SYCP1: variants seen among roughly 807,000 people sequenced by gnomAD.
The protein encoded by SYCP1 is synaptonemal complex protein 1.
SYCP1 carries 64 observed loss-of-function variants against 153.1 expected under a neutral mutation model. The ratio of observed to expected loss-of-function variants is 0.42; its 90% CI spans 0.34 to 0.51. The LOEUF (loss-of-function observed/expected upper bound fraction) is 0.51, where lower values mean the gene tolerates loss of function less well. Ranked by LOEUF, SYCP1 falls within the 20% of genes least tolerant of loss-of-function variation. SYCP1 has a pLI of 0.06. For synonymous variants in SYCP1, 384 were observed against 341.8 expected, an observed-to-expected ratio of 1.12 and a Z score of -1.36; for missense variants, 997 against 1,049.0, an observed-to-expected ratio of 0.95 and a Z score of 0.68.
At chr1:114,857,552 A>T (rs1377637202) in intron 5 of SYCP1, 55 bp downstream of exon 5, 1 of 1,242,790 alleles carries the variant, frequency 8.0e-7, no homozygotes, top group Non-Finnish European at 1.1e-6. Context: ...ATAACTTATT[A>T]CCTATATGTA....
At chr1:114,878,906 C>CAG (rs1665724469) in intron 12 of SYCP1, among the ~76,000 whole-genome samples, 1 of 152,054 alleles carries the variant, frequency 6.6e-6, no homozygotes, top group Non-Finnish European at 1.5e-5. Context: ...TAATTTTTCC[C>CAG]AGAGAGAGAC....
At chr1:114,892,878 C>T (rs575842593) in intron 15 of SYCP1, among the ~76,000 whole-genome samples, 3 of 152,018 alleles carry the variant, frequency 2.0e-5, no homozygotes, top group East Asian at 3.9e-4. Context: ...ATGTAGTCTC[C>T]TGGGGGCTGG....
intron 27 of SYCP1, among the ~76,000 whole-genome samples, chr1:114,949,638 G>T (rs998208154): frequency 2.0e-5 from 3 of 152,072 alleles, no homozygotes; most frequent in Non-Finnish European, 4.4e-5. Flanking sequence ...GTCTACCAGG[G>T]CTCAATCCCT....
chr1:114,982,760 A>G (rs530598222), intron 29 of SYCP1, among the ~76,000 whole-genome samples: 3 of 151,610 alleles, frequency 2.0e-5, no homozygotes, highest in Admixed American at 1.3e-4. Context: ...TTACTTTTCT[A>G]TTTGGGCCAT....
chr1:114,958,838 G>T (rs1462657538), intron 27 of SYCP1, among the ~76,000 whole-genome samples: 2 of 150,656 alleles, frequency 1.3e-5, no homozygotes. Flanking sequence ...GCTGAGGCAG[G>T]AGAATGGCAT....
At chr1:114,974,508 C>T (rs998103431) in intron 27 of SYCP1, among the ~76,000 whole-genome samples, 2 of 151,842 alleles carry the variant, frequency 1.3e-5, no homozygotes, top group African/African-American at 4.8e-5. Flanking sequence ...CCCTTTTCCT[C>T]TTCCTCCCAG....
chr1:114,990,473 G>C (rs928777617), intron 30 of SYCP1, among the ~76,000 whole-genome samples: 3 of 151,510 alleles, frequency 2.0e-5, no homozygotes, highest in Non-Finnish European at 2.9e-5. Flanking sequence ...GTAGATTGAG[G>C]GAAATAATAA....
At chr1:114,885,796 A>G (rs1382566824) in intron 13 of SYCP1, among the ~76,000 whole-genome samples, 167 bp downstream of exon 13, 1 of 152,166 alleles carries the variant, frequency 6.6e-6, no homozygotes, top group East Asian at 1.9e-4. Flanking sequence ...TTGCATAAAA[A>G]CACATCAAAA....
Position 114,855,631 on chromosome 1 carries a change from G to C in SYCP1, c.108+59G>C. On this transcript the variant is annotated intron_variant, in intron 2 of 31. Coordinates refer to ENST00000369522, the MANE Select transcript of SYCP1 (RefSeq NM_003176.4). ...CTTAACTTTAGGGAAATGAAGAAAA[G>C]TGTACTTTCTTCCTGGTGGTGTTTT... 3 of 1,315,852 alleles carry C rather than the reference G, an allele frequency of 2.3e-6. No individual in the cohort carries two copies. In the Admixed American group the frequency reaches 6.3e-5, roughly 28 times the overall value. The allele number at this position is 1,315,852 out of a possible 1,614,324, so 81.5% of individuals were successfully genotyped here.
intron 27 of SYCP1, among the ~76,000 whole-genome samples, chr1:114,967,601 A>G (rs1464052109): frequency 6.6e-6 from 1 of 152,170 alleles, no homozygotes; most frequent in Non-Finnish European, 1.5e-5. Flanking sequence ...GGTCTCCTGA[A>G]TACAGCACAC....
intron 12 of SYCP1, among the ~76,000 whole-genome samples, chr1:114,878,744 T>C (rs1665712185): frequency 6.6e-6 from 1 of 152,144 alleles, no homozygotes; most frequent in Non-Finnish European, 1.5e-5. Context: ...GTTTTCGCCT[T>C]GTTGGCCAGG....
At chr1:114,950,057 G>T (rs2101841594) in intron 27 of SYCP1, among the ~76,000 whole-genome samples, 1 of 152,252 alleles carries the variant, frequency 6.6e-6, no homozygotes, top group Admixed American at 6.5e-5. Context: ...TTCTATTAGG[G>T]TCCCTCCCAA....
intron 27 of SYCP1, among the ~76,000 whole-genome samples, chr1:114,964,802 C>T (rs1672011180): frequency 6.6e-6 from 1 of 152,154 alleles, no homozygotes; most frequent in African/African-American, 2.4e-5. Context: ...TAGCATGATG[C>T]CTCCAGCTTT....
intron 27 of SYCP1, among the ~76,000 whole-genome samples, chr1:114,958,225 G>C (rs1212693542): frequency 6.6e-6 from 1 of 152,140 alleles, no homozygotes; most frequent in Admixed American, 6.5e-5. Context: ...CTCATATGTG[G>C]GAGCTTAAAA....
intron 23 of SYCP1, among the ~76,000 whole-genome samples, chr1:114,940,768 T>G (rs1670332933): frequency 6.6e-6 from 1 of 152,194 alleles, no homozygotes; most frequent in Non-Finnish European, 1.5e-5. Flanking sequence ...GTTTCCTTTA[T>G]GTAAAGATTA....
rs1479057631 is a variant in SYCP1, at chr1:114,911,521, A to G, written c.1468A>G (p.Thr490Ala). Residue 490 changes from threonine (T) to alanine (A), a missense_variant, in exon 18 of 32, where the codon ACA becomes GCA. By Grantham distance (58) the Thr-to-Ala change is moderately conservative (BLOSUM62 0). Transcript: ENST00000369522. ...DLEIQLTAIT[T>A]SEQYYSKEVK... ...GGAAATACAGTTAACTGCCATTACC[A>G]CAAGTGAACAGTATTATTCAAAAGA... 6.4e-7 allele frequency: 1 copy of G among 1,561,510 alleles called. No individual in the cohort carries two copies. Among genetic ancestry groups the G allele is most frequent in the Non-Finnish European group, 8.6e-7 (1 of 1,158,828 alleles).
At chr1:114,932,763 C>A (rs566844835) in intron 23 of SYCP1, among the ~76,000 whole-genome samples, 118 of 152,346 alleles carry the variant, frequency 7.7e-4, no homozygotes, top group Admixed American at 2.7e-3. Context: ...TATCCCTTGC[C>A]TGGCTGGGAG....
chr1:114,858,632 A>T lies in SYCP1; in HGVS notation c.377A>T (p.Glu126Val). Reference sequence around the variant, plus strand: ...AAATGGAAAGTAAGTACAGAAGCTGAACTGAGACAGAAAGAAAGTAAGTTG... The same window carrying T: ...AAATGGAAAGTAAGTACAGAAGCTGTACTGAGACAGAAAGAAAGTAAGTTG... ...IKKWKVSTEA[E>V]LRQKESKLQE... Residue 126 changes from glutamate to valine, a missense_variant, in exon 6 of 32, where the codon GAA (glutamate) becomes GTA (valine). Transcript: ENST00000369522. 6.2e-7 allele frequency: 1 copy of T among 1,613,260 alleles called. No individual in the cohort carries two copies. The highest frequency in any genetic ancestry group is 2.2e-5 in the East Asian group (1 of 44,742).
chr1:114,876,060 A>C lies in SYCP1; in HGVS notation c.658-9A>C. 1 of 1,539,280 alleles carries C rather than the reference A, an allele frequency of 6.5e-7. No homozygotes were observed. The highest frequency in any genetic ancestry group is 1.3e-5 in the South Asian group (1 of 78,072). On this transcript the variant is annotated splice_polypyrimidine_tract_variant and intron_variant, in intron 9 of 31. Coordinates refer to ENST00000369522, the MANE Select transcript of SYCP1 (RefSeq NM_003176.4). ...ATTTAAGTATGATTCTTAAAACTTT[A>C]TATTTCAGAAAATGATAACAGCTTT...
Sources: allele counts gnomAD v4.1 joint callset (sites outside exome capture counted in the v4.1 genomes callset), GRCh38; gene constraint gnomAD v4.1.1; transcripts MANE v1.5; gene names NCBI Gene and HGNC (gene_info 2026-07-23, HGNC 2026-07-21).